The following NAALADL2 variants were observed in gnomAD, a reference collection of about 807,000 sequenced individuals.
NAALADL2 encodes the protein N-acetylated alpha-linked acidic dipeptidase like 2.
Under a neutral mutation model 87.2 loss-of-function variants are expected in NAALADL2, and 76 were observed. The ratio of observed to expected loss-of-function variants is 0.87; its 90% CI spans 0.72 to 1.05. NAALADL2 has a LOEUF of 1.05. Among genes scored for constraint, NAALADL2 ranks in the 50% least tolerant of loss-of-function variants. The pLI is 0.00. For missense variants in NAALADL2, 1,089 were observed against 945.8 expected (o/e 1.15, Z -1.99); for synonymous variants, 354 against 331.0 (o/e 1.07, Z -0.75).
At chr3:175,774,594 A>G (rs1024280611) in intron 13 of NAALADL2, among the ~76,000 whole-genome samples, 2 of 151,916 alleles carry the variant, frequency 1.3e-5, no homozygotes, top group African/African-American at 4.8e-5. Flanking sequence ...ATTCTAAATA[A>G]TTTTTTTAAG....
intron 2 of NAALADL2, among the ~76,000 whole-genome samples, chr3:175,231,368 A>G (rs1403181844): frequency 6.6e-6 from 1 of 152,066 alleles, no homozygotes. Context: ...ATGTGTTTAA[A>G]TTATTTCATA....
intron 3 of NAALADL2, among the ~76,000 whole-genome samples, chr3:174,838,033 A>G (rs891724303): frequency 2.2e-5 from 3 of 137,020 alleles, no homozygotes; most frequent in East Asian, 2.0e-4. Flanking sequence ...AAAAAAAAAA[A>G]AAAGAAAAAA....
chr3:175,021,854 G>A (rs62287678), intron 1 of NAALADL2, among the ~76,000 whole-genome samples: 1 of 152,074 alleles, frequency 6.6e-6, no homozygotes, highest in Non-Finnish European at 1.5e-5. Context: ...ATATTATAGG[G>A]TGATGTAGTT....
intron 5 of NAALADL2, among the ~76,000 whole-genome samples, chr3:175,417,227 C>T (rs1714808916): frequency 1.3e-5 from 2 of 150,128 alleles, no homozygotes; most frequent in South Asian, 4.2e-4. Context: ...ACAATGTAAA[C>T]TATAATGCAT....
intron 10 of NAALADL2, among the ~76,000 whole-genome samples, chr3:175,596,428 C>T (rs1048385008): frequency 2.0e-5 from 3 of 151,966 alleles, no homozygotes; most frequent in Admixed American, 2.0e-4. Context: ...TCACAGAAGG[C>T]ACGTCCTTAT....
intron 11 of NAALADL2, among the ~76,000 whole-genome samples, chr3:175,652,998 A>G (rs1224718461): frequency 6.6e-6 from 1 of 152,164 alleles, no homozygotes; most frequent in Non-Finnish European, 1.5e-5. Context: ...TGTTATATGT[A>G]TTGTACACTG....
intron 1 of NAALADL2, among the ~76,000 whole-genome samples, chr3:174,513,253 G>T (rs1349114116): frequency 1.3e-5 from 2 of 151,978 alleles, no homozygotes; most frequent in Non-Finnish European, 2.9e-5. Context: ...TGGGTGTGGC[G>T]TGAGCCACCA....
chr3:174,736,912 G>C (rs1578732471), intron 2 of NAALADL2, among the ~76,000 whole-genome samples: 1 of 152,296 alleles, frequency 6.6e-6, no homozygotes, highest in Non-Finnish European at 1.5e-5. Flanking sequence ...CCAAAGTCTG[G>C]AGAGGGCCAA....
intron 4 of NAALADL2, among the ~76,000 whole-genome samples, chr3:175,283,124 CTT>C (rs1287619499): frequency 3.3e-5 from 5 of 151,964 alleles, no homozygotes; most frequent in Non-Finnish European, 7.4e-5. Context: ...GTTTCTAAAA[CTT>C]GATAACACTC....
rs4894726 is a variant in NAALADL2 at position 175,629,062 on chromosome 3, T to A, written c.1896+1676T>A. ...TTTTTTGTATATAACAGGATAGAAG[T>A]GCACACAAAACACCTCCTTAGTATT... On this transcript the variant is annotated intron_variant, in intron 11 of 13. Coordinates refer to ENST00000454872, the MANE Select transcript of NAALADL2 (RefSeq NM_207015.3). Among the ~76,000 whole-genome samples, 402 of 149,370 alleles carry A rather than the reference T, an allele frequency of 2.7e-3. 2 individuals are homozygous for A. Among genetic ancestry groups the A allele is most frequent in the African/African-American group, 9.5e-3 (387 of 40,898 alleles).
chr3:174,742,270 G>A (rs1046374147), intron 3 of NAALADL2, among the ~76,000 whole-genome samples: 2 of 151,512 alleles, frequency 1.3e-5, no homozygotes, highest in Admixed American at 6.6e-5. Context: ...AGTTTTCCTC[G>A]GGATGTTCAC....
At chr3:175,679,856 T>G (rs1560965417) in intron 11 of NAALADL2, among the ~76,000 whole-genome samples, 1 of 151,968 alleles carries the variant, frequency 6.6e-6, no homozygotes, top group East Asian at 1.9e-4. Flanking sequence ...GTGAAGAGTA[T>G]AACAAATAAG....
chr3:175,181,721 A>G (rs1381126034), intron 2 of NAALADL2, among the ~76,000 whole-genome samples: 785 of 18,980 alleles, frequency 0.041, 10 homozygotes, highest in African/African-American at 0.074. Flanking sequence ...GTGTGTGTAT[A>G]TATATGTATA....
chr3:175,111,595 A>C (rs1189081974), intron 2 of NAALADL2, among the ~76,000 whole-genome samples: 4 of 151,700 alleles, frequency 2.6e-5, no homozygotes, highest in Non-Finnish European at 5.9e-5. Context: ...CAAAATTTGA[A>C]AAATGGTTTT....
At chr3:174,751,401 G>A (rs575634968) in intron 3 of NAALADL2, among the ~76,000 whole-genome samples, 47 of 152,140 alleles carry the variant, frequency 3.1e-4, no homozygotes, top group East Asian at 3.9e-4. Flanking sequence ...AGTTGCTCAC[G>A]TCTGTAATCC....
intron 1 of NAALADL2, among the ~76,000 whole-genome samples, chr3:174,518,298 T>A (rs975424026): frequency 1.3e-5 from 2 of 152,304 alleles, no homozygotes; most frequent in Non-Finnish European, 2.9e-5. Flanking sequence ...TGCTCTAGGA[T>A]CTATCATTTA....
Position 174,761,476 on chromosome 3 carries a change from G to T in NAALADL2, c.-9+23730G>T, listed in dbSNP as rs911707641. On this transcript the variant is annotated intron_variant, in intron 3 of 3. Transcript: ENST00000434257. The stretch of plus-strand genomic sequence containing the variant: ...TACATAAAAATGGATCACTTACAAG[G>T]TTCTTGAAGCAAATTTCAGGAACGT... 4.6e-5 allele frequency among the ~76,000 whole-genome samples: 7 copies of T among 152,088 alleles called. No homozygotes were observed. The East Asian group carries it at 5.8e-4, about 13-fold the overall frequency.
rs35730234 is a variant in NAALADL2, at chr3:174,893,310, ACC to A, written c.43+33868_43+33869del. ...AAGAAATATCAAAGGGAGTACTTCAACCCCCCCCCGCAAAAAGTTATTATTGA... is the reference window on the plus strand; with the variant it reads ...AAGAAATATCAAAGGGAGTACTTCAACCCCCCCGCAAAAAGTTATTATTGA... On this transcript the variant is annotated intron_variant, in intron 1 of 13. Transcript: ENST00000454872. Among the ~76,000 whole-genome samples the A allele has an allele frequency of 2.9e-5, 4 of 139,374 alleles. No individual in the cohort carries two copies. The South Asian group carries it at 9.4e-4, about 33-fold the overall frequency. The allele number at this position is 139,374 out of a possible 152,430, so 91.4% of individuals were successfully genotyped here.
At chr3:175,078,236 G>T (rs1010920052) in intron 1 of NAALADL2, among the ~76,000 whole-genome samples, 1 of 151,898 alleles carries the variant, frequency 6.6e-6, no homozygotes, top group Non-Finnish European at 1.5e-5. Context: ...TGTTGCCCAG[G>T]CTGGTCTCAA....
Sources: gnomAD v4.1 joint callset for allele counts (sites outside exome capture counted in the v4.1 genomes callset) on GRCh38, gnomAD v4.1.1 for gene constraint, MANE v1.5 for transcripts, NCBI Gene and HGNC (gene_info 2026-07-23, HGNC 2026-07-21) for gene names.